The following POP1 variants were observed in gnomAD, a reference collection of about 807,000 sequenced individuals.
POP1 encodes POP1 ribonuclease P/MRP subunit.
In POP1, 75 loss-of-function variants were observed where a neutral mutation model predicts 102.2. The observed-to-expected ratio is 0.73, with a 90% CI of 0.61 to 0.89. The LOEUF (loss-of-function observed/expected upper bound fraction) is 0.89. POP1 is among the 40% of genes least tolerant of loss of function. The pLI is 0.00. For missense variants in POP1, 1,116 were observed against 1,267.4 expected (o/e 0.88, Z 1.81); for synonymous variants, 436 against 464.1 (o/e 0.94, Z 0.78).
At chr8:98,154,273 G>C (rs1809591557) in intron 14 of POP1, among the ~76,000 whole-genome samples, 1 of 152,240 alleles carries the variant, frequency 6.6e-6, no homozygotes, top group African/African-American at 2.4e-5. Flanking sequence ...GGTCATTGGA[G>C]AGTTGGCTGC....
Position 98,153,531 on chromosome 8 carries a change from C to CCCTTT in POP1, c.2058-2519_2058-2518insCCTTT, listed in dbSNP as rs1430760385. Among the ~76,000 whole-genome samples, 288 of 81,088 alleles carry CCCTTT rather than the reference C, an allele frequency of 3.6e-3. 21 individuals are homozygous for CCCTTT. The highest frequency in any genetic ancestry group is 7.0e-3 in the African/African-American group (114 of 16,178). The allele number at this position is 81,088 out of a possible 152,430, so 53.2% of individuals were successfully genotyped here. A position where few individuals can be genotyped will look rare whatever the true frequency, so the allele number is the denominator to read the frequency against. On this transcript the variant is annotated intron_variant, in intron 14 of 15. Coordinates refer to ENST00000401707, the MANE Select transcript of POP1 (RefSeq NM_001145860.2). ...CAACTAGATTTACAAACAGTTCTGA[C>CCCTTT]TCTTTTTTTTTTTTTTTTTTTTTTT...
chr8:98,139,933 T>C lies in POP1; in HGVS notation c.1363-145T>C. 1.1e-5 allele frequency: 8 copies of C among 709,408 alleles called. No individual in the cohort carries two copies. The East Asian group carries it at 1.9e-4, about 17-fold the overall frequency. 43.9% of individuals were successfully genotyped at this position (709,408 alleles called of 1,614,324 possible). A position where few individuals can be genotyped will look rare whatever the true frequency, so the allele number is the denominator to read the frequency against. ...CTGGTATTAATTACTATGTTAAGTA[T>C]AGTGGCAACTTCCCTGGTTCATCCC... On this transcript the variant is annotated intron_variant, in intron 9 of 15. Transcript: ENST00000401707.
At chr8:98,155,209 C>T (rs1020345288) in intron 14 of POP1, among the ~76,000 whole-genome samples, 17 of 152,162 alleles carry the variant, frequency 1.1e-4, no homozygotes, top group African/African-American at 2.4e-4. Context: ...TCAGTGGCCA[C>T]ATGGGGCTAC....
intron 2 of POP1, among the ~76,000 whole-genome samples, chr8:98,124,359 C>T (rs528343952): frequency 2.6e-5 from 4 of 152,154 alleles, no homozygotes; most frequent in South Asian, 2.1e-4. Flanking sequence ...GTCAGGAGTT[C>T]GAGACCAGAG....
chr8:98,140,242 C>T, intron 10 of POP1, 53 bp downstream of exon 10: 2 of 1,486,416 alleles, frequency 1.3e-6, no homozygotes, highest in Admixed American at 1.7e-5. Context: ...GCCAAAAGAG[C>T]CTTTTGCAGT....
intron 14 of POP1, among the ~76,000 whole-genome samples, chr8:98,152,245 G>A (rs1809532092): frequency 6.6e-6 from 1 of 152,082 alleles, no homozygotes; most frequent in Non-Finnish European, 1.5e-5. Flanking sequence ...AGCTTTTTAT[G>A]CATGCAAATT....
At chr8:98,122,769 T>G (rs1816068110) in intron 1 of POP1, among the ~76,000 whole-genome samples, 1 of 152,234 alleles carries the variant, frequency 6.6e-6, no homozygotes, top group South Asian at 2.1e-4. Flanking sequence ...GTTATAACAT[T>G]CATTTCATTT....
intron 9 of POP1, among the ~76,000 whole-genome samples, chr8:98,139,145 C>T (rs1418032577): frequency 6.6e-6 from 1 of 152,074 alleles, no homozygotes; most frequent in African/African-American, 2.4e-5. Context: ...GCCACTGCAC[C>T]CGGCCATGAT....
chr8:98,155,513 C>T (rs1420072651), intron 14 of POP1, among the ~76,000 whole-genome samples: 3 of 152,008 alleles, frequency 2.0e-5, no homozygotes, highest in Non-Finnish European at 2.9e-5. Context: ...GAACTCCTGA[C>T]GTGACGTGAT....
intron 9 of POP1, 73 bp from the exon 10 acceptor site, chr8:98,140,005 A>G (rs1816660602): frequency 6.0e-6 from 7 of 1,159,980 alleles, no homozygotes; most frequent in East Asian, 4.8e-5. Flanking sequence ...GTGGGGGCTG[A>G]TATCACAACC....
intron 5 of POP1, among the ~76,000 whole-genome samples, chr8:98,132,603 G>T (rs1053222868): frequency 2.0e-5 from 3 of 152,086 alleles, no homozygotes; most frequent in Non-Finnish European, 4.4e-5. Flanking sequence ...TAGAATGCTG[G>T]CTTCTCCACT....
At chr8:98,150,923 T>TA (rs1809498509) in intron 14 of POP1, among the ~76,000 whole-genome samples, 1 of 152,240 alleles carries the variant, frequency 6.6e-6, no homozygotes. Flanking sequence ...AGACACTTGT[T>TA]AATAGATTTC....
chr8:98,157,096 C>T (rs572801260), intron 15 of POP1, among the ~76,000 whole-genome samples: 82 of 151,996 alleles, frequency 5.4e-4, no homozygotes, highest in African/African-American at 1.2e-3. Context: ...AGGCTGGTCT[C>T]GAACTCCTGA....
rs189926989 is a variant in POP1, at chr8:98,140,624, C to T, written c.1475-145C>T. 143 of 788,444 alleles carry T rather than the reference C, an allele frequency of 1.8e-4. No homozygotes were observed. In the East Asian group the frequency reaches 3.7e-3, roughly 20 times the overall value. 48.8% of individuals were successfully genotyped at this position (788,444 alleles called of 1,614,324 possible). A position where few individuals can be genotyped will look rare whatever the true frequency, so the allele number is the denominator to read the frequency against. On this transcript the variant is annotated intron_variant, in intron 10 of 15. Transcript: ENST00000401707. ...ATGTTAACTTATTCTCTAAAAGTATCAATGGGAAGAGAGGGAATACATGTT... is the reference window on the plus strand; with the variant it reads ...ATGTTAACTTATTCTCTAAAAGTATTAATGGGAAGAGAGGGAATACATGTT...
intron 5 of POP1, among the ~76,000 whole-genome samples, chr8:98,133,208 C>A (rs930452850): frequency 6.6e-6 from 1 of 152,012 alleles, no homozygotes; most frequent in Non-Finnish European, 1.5e-5. Context: ...CAGAGTGAGA[C>A]CCTGTCTCAA....
intron 14 of POP1, among the ~76,000 whole-genome samples, chr8:98,155,708 G>A (rs1400083194): frequency 1.3e-5 from 2 of 151,832 alleles, no homozygotes; most frequent in Non-Finnish European, 2.9e-5. Context: ...CAGCCTCCCA[G>A]TAGTTGGGAT....
In POP1 at chr8:98,158,192, C is replaced by A. The variant is rs1245536419; in HGVS notation, c.2996C>A (p.Ala999Glu). 6.2e-7 allele frequency: 1 copy of A among 1,611,724 alleles called. No homozygotes were observed. Among genetic ancestry groups the A allele is most frequent in the Non-Finnish European group, 8.5e-7 (1 of 1,179,790 alleles). ...GLLDMLSSQP[A>E]AQRGLVLLRP... is the part of the protein sequence containing the mutation. ...CTGGATATGCTGTCCAGCCAGCCTG[C>A]AGCGCAGAGGGGCTTAGTGCTACTG... Residue 999 changes from alanine to glutamate, a missense_variant, in exon 16 of 16, where the codon GCA becomes GAA. Physicochemically the swap from Ala to Glu is moderately radical, Grantham distance 107. Coordinates refer to ENST00000401707, the MANE Select transcript of POP1 (RefSeq NM_001145860.2).
At chr8:98,127,827 A>G (rs1254452503) in intron 3 of POP1, 65 bp downstream of exon 3, 8 of 1,541,368 alleles carry the variant, frequency 5.2e-6, no homozygotes, top group Admixed American at 5.0e-5. Flanking sequence ...TGCAGCAACA[A>G]ACTGCCCTCC....
At chr8:98,154,487 C>T (rs972686439) in intron 14 of POP1, among the ~76,000 whole-genome samples, 3 of 152,064 alleles carry the variant, frequency 2.0e-5, no homozygotes, top group African/African-American at 7.3e-5. Flanking sequence ...ATACTGACAT[C>T]GCAGTTTGAA....
Sources: gnomAD v4.1 joint callset for allele counts (sites outside exome capture counted in the v4.1 genomes callset) on GRCh38, gnomAD v4.1.1 for gene constraint, MANE v1.5 for transcripts, NCBI Gene and HGNC (gene_info 2026-07-23, HGNC 2026-07-21) for gene names.